The following DYNC2I2 variants were observed in gnomAD, a reference collection of about 807,000 sequenced individuals.
DYNC2I2 encodes dynein 2 intermediate chain 2, also known as cytoplasmic dynein 2 intermediate chain 2.
In DYNC2I2, 39 loss-of-function variants were observed where a neutral mutation model predicts 52.0. That is an observed-to-expected ratio of 0.75 (90% CI 0.58 to 0.98). The LOEUF (loss-of-function observed/expected upper bound fraction) is 0.98, where lower values mean the gene tolerates loss of function less well. Ranked by LOEUF, DYNC2I2 falls within the 50% of genes least tolerant of loss-of-function variation. DYNC2I2 has a pLI of 0.00. For missense variants in DYNC2I2, 743 were observed against 728.4 expected (o/e 1.02, Z -0.23); for synonymous variants, 359 against 321.1 (o/e 1.12, Z -1.26).
Position 128,636,332 on chromosome 9 carries a change from TG to T in DYNC2I2, c.651del (p.Ser218AlafsTer30). Reference sequence around the variant, plus strand: ...TGGAAGGCCAGACACAGGACAGCGCTGGGGACCTCCACCACGGCCGACGGCT... The same window carrying T: ...TGGAAGGCCAGACACAGGACAGCGCTGGGACCTCCACCACGGCCGACGGCT... ...PQQPSAVVEV[P>X]SAVLCLAFHP... On this transcript the variant is annotated frameshift_variant, in exon 4 of 9. Transcript: ENST00000372715. LOFTEE classifies it high-confidence loss of function. 1 of 1,599,222 alleles carries T rather than the reference TG, an allele frequency of 6.3e-7. No individual in the cohort carries two copies. The highest frequency in any genetic ancestry group is 8.5e-7 in the Non-Finnish European group (1 of 1,173,504).
the DYNC2I2 span, among the ~76,000 whole-genome samples, chr9:128,680,962 C>T: frequency 7.2e-5 from 11 of 152,112 alleles, no homozygotes; most frequent in Non-Finnish European, 1.0e-4. Context: ...AGGCGTGAGC[C>T]GCCACACCTA....
At chr9:128,646,577 C>T (rs920951731) in intron 1 of DYNC2I2, among the ~76,000 whole-genome samples, 3 of 152,190 alleles carry the variant, frequency 2.0e-5, no homozygotes, top group African/African-American at 7.2e-5. Context: ...AGTCAATGCC[C>T]GGCTTCAAAG....
At chr9:128,659,850 G>C (rs1860897655), upstream of DYNC2I2, among the ~76,000 whole-genome samples, 2 of 151,684 alleles carry the variant, frequency 1.3e-5, no homozygotes. Context: ...GGAAGTGGCA[G>C]TGAGGCAAGA....
intron 1 of DYNC2I2, among the ~76,000 whole-genome samples, chr9:128,652,975 C>A (rs1395568933): frequency 6.7e-6 from 1 of 149,400 alleles, no homozygotes; most frequent in African/African-American, 2.5e-5. Context: ...ACCTGTAATC[C>A]CCAAGCAGTT....
At chr9:128,648,459 G>A (rs541964605) in intron 1 of DYNC2I2, among the ~76,000 whole-genome samples, 7 of 151,768 alleles carry the variant, frequency 4.6e-5, no homozygotes, top group East Asian at 3.9e-4. Flanking sequence ...CTCCTGGGCC[G>A]GGCCCGACCA....
intron 5 of DYNC2I2, 118 bp from the exon 6 acceptor site, chr9:128,635,377 A>AACCAGGCTCAG (rs762628634): frequency 3.3e-4 from 430 of 1,310,348 alleles, no homozygotes; most frequent in Non-Finnish European, 4.1e-4. Flanking sequence ...GAGGCCCCAG[A>AACCAGGCTCAG]ACCAGGCTCA....
the DYNC2I2 span, among the ~76,000 whole-genome samples, chr9:128,682,911 C>A: frequency 1.9e-4 from 29 of 151,218 alleles, no homozygotes; most frequent in African/African-American, 6.6e-4. Context: ...TTCCTGACCT[C>A]GTGATCCGCC....
chr9:128,639,048 C>G (rs555409496), intron 2 of DYNC2I2, among the ~76,000 whole-genome samples: 222 of 151,744 alleles, frequency 1.5e-3, no homozygotes, highest in Non-Finnish European at 2.3e-3. Flanking sequence ...GAGGCAGGAG[C>G]ATCTCTTGAG....
At chr9:128,682,669 T>C in the DYNC2I2 span, among the ~76,000 whole-genome samples, 1 of 148,062 alleles carries the variant, frequency 6.8e-6, no homozygotes, top group Admixed American at 6.7e-5. Context: ...GATGGGACCT[T>C]GTCTTTTTTT....
At chr9:128,645,572 G>C (rs189754012) in intron 1 of DYNC2I2, among the ~76,000 whole-genome samples, 2 of 121,748 alleles carry the variant, frequency 1.6e-5, no homozygotes, top group Non-Finnish European at 3.2e-5. Context: ...AGCCGAGATC[G>C]TACCACTGCA....
chr9:128,670,000 G>T, the DYNC2I2 span, among the ~76,000 whole-genome samples: 1 of 152,066 alleles, frequency 6.6e-6, no homozygotes, highest in African/African-American at 2.4e-5. Context: ...AAATTGACTG[G>T]GCATGGTGGT....
intron 7 of DYNC2I2, 134 bp from the exon 8 acceptor site, chr9:128,634,517 C>A: frequency 6.7e-6 from 9 of 1,346,546 alleles, no homozygotes; most frequent in Non-Finnish European, 9.0e-6. Flanking sequence ...GGAGTTGGTC[C>A]TCTCATTAGA....
the DYNC2I2 span, among the ~76,000 whole-genome samples, chr9:128,679,044 G>A: frequency 5.9e-5 from 9 of 152,150 alleles, no homozygotes; most frequent in East Asian, 1.8e-3. Context: ...ACTCCAGCCT[G>A]GGGTACAGAG....
Position 128,656,524 on chromosome 9 carries a change from G to A in DYNC2I2, c.186+17C>T, listed in dbSNP as rs570556602. ...CCTTCCCGCCCGCGTCGCTCCGCGC[G>A]GGGCCCGCGCCCTCACCGTCTCCCA... On this transcript the variant is annotated intron_variant, in intron 1 of 8. Coordinates refer to ENST00000372715, the MANE Select transcript of DYNC2I2 (RefSeq NM_052844.4). 1,137 of 1,298,032 alleles carry A rather than the reference G, an allele frequency of 8.8e-4. 6 individuals carry two copies. The highest frequency in any genetic ancestry group is 1.0e-3 in the Non-Finnish European group (1,059 of 1,026,764). The allele number at this position is 1,298,032 out of a possible 1,614,324, so 80.4% of individuals were successfully genotyped here. A position where few individuals can be genotyped will look rare whatever the true frequency, so the allele number is the denominator to read the frequency against.
chr9:128,673,333 A>C, the DYNC2I2 span, among the ~76,000 whole-genome samples: 1 of 152,176 alleles, frequency 6.6e-6, no homozygotes, highest in African/African-American at 2.4e-5. Flanking sequence ...AAAATACAGT[A>C]GCAAACAGTT....
Position 128,636,910 on chromosome 9 carries a change from C to T in DYNC2I2, c.545+8G>A. 6.2e-7 allele frequency: 1 copy of T among 1,609,190 alleles called. No individual in the cohort carries two copies. Among genetic ancestry groups the T allele is most frequent in the Non-Finnish European group, 8.5e-7 (1 of 1,178,488 alleles). ...GAGCTGCCCCTCACCTGCCCCGCTG[C>T]CACTCACCGGCCGTAGGCACAGGCC... On this transcript the variant is annotated splice_region_variant and intron_variant, in intron 3 of 8. Transcript: ENST00000372715.
rs1860503525 is a variant in DYNC2I2, at chr9:128,640,894, G to A, written c.232C>T (p.Gln78Ter). ...ASIATASASA[Q>*]ARNHVDAQVQ... Reference sequence around the variant, plus strand: ...TGGGCGTCCACATGATTCCTGGCCTGGGCGGATGCACTGGCAGTGGCAATG... The same window carrying A: ...TGGGCGTCCACATGATTCCTGGCCTAGGCGGATGCACTGGCAGTGGCAATG... The change falls in exon 2 of 9, where the codon CAG becomes TAG. Residue 78 changes from glutamine to a stop codon, truncating the protein, a stop_gained. Coordinates refer to ENST00000372715, the MANE Select transcript of DYNC2I2 (RefSeq NM_052844.4). LOFTEE classifies it high-confidence loss of function. 1 of 1,608,404 alleles carries A rather than the reference G, an allele frequency of 6.2e-7. No homozygotes were observed. Among genetic ancestry groups the A allele is most frequent in the South Asian group, 1.1e-5 (1 of 90,748 alleles).
At chr9:128,636,131 C>T in intron 4 of DYNC2I2, 150 bp downstream of exon 4, 1 of 1,235,546 alleles carries the variant, frequency 8.1e-7, no homozygotes, top group South Asian at 1.3e-5. Context: ...GGGCTCACTG[C>T]AGACCTTCAC....
chr9:128,666,758 CAA>C, the DYNC2I2 span, among the ~76,000 whole-genome samples: 15 of 116,038 alleles, frequency 1.3e-4, no homozygotes, highest in Non-Finnish European at 1.3e-4. Flanking sequence ...GACTCCATCT[CAA>C]AAAAAAAAAA....
Sources: gnomAD v4.1 joint callset for allele counts (sites outside exome capture counted in the v4.1 genomes callset) on GRCh38, gnomAD v4.1.1 for gene constraint, MANE v1.5 for transcripts, NCBI Gene and HGNC (gene_info 2026-07-23, HGNC 2026-07-21) for gene names.